Variants in WDR59 observed in about 807,000 individuals in gnomAD.
The protein encoded by WDR59 is WD repeat domain 59.
WDR59 carries 100 observed loss-of-function variants against 131.2 expected under a neutral mutation model. That is an observed-to-expected ratio of 0.76 (90% CI 0.65 to 0.90). WDR59 has a LOEUF of 0.90. Among genes scored for constraint, WDR59 ranks in the 40% least tolerant of loss-of-function variants. WDR59 has a pLI of 0.00. For missense variants in WDR59, 1,203 were observed against 1,262.2 expected, an observed-to-expected ratio of 0.95 and a Z score of 0.71; for synonymous variants, 601 against 466.2, an observed-to-expected ratio of 1.29 and a Z score of -3.72.
chr16:74,882,644 G>C (rs1386285730), intron 25 of WDR59, among the ~76,000 whole-genome samples: 1 of 151,630 alleles, frequency 6.6e-6, no homozygotes, highest in East Asian at 1.9e-4. Context: ...TTGTATTGTA[G>C]TATCTCTACT....
At chr16:74,943,932 C>T (rs1291831333) in intron 6 of WDR59, among the ~76,000 whole-genome samples, 1 of 152,150 alleles carries the variant, frequency 6.6e-6, no homozygotes, top group Non-Finnish European at 1.5e-5. Context: ...CTTATGTCAT[C>T]TAGAACAAAT....
At position 74,875,408 on chromosome 16, in the gene WDR59, A is replaced by G. The variant is rs192774823; in HGVS notation, c.2690-964T>C. On this transcript the variant is annotated intron_variant, in intron 25 of 25. Transcript: ENST00000262144. ...GCCTCCAGACTGACCTTTCTGCTGG[A>G]GGCCAATGTCATCCAGCTTCACCAG... is the stretch of plus-strand genomic sequence containing the variant. Among the ~76,000 whole-genome samples, 33 of 152,296 alleles carry G rather than the reference A, an allele frequency of 2.2e-4. No individual in the cohort carries two copies. The East Asian group carries it at 6.0e-3, about 28-fold the overall frequency.
chr16:74,885,230 A>G (rs1964695033), intron 25 of WDR59, among the ~76,000 whole-genome samples: 1 of 152,150 alleles, frequency 6.6e-6, no homozygotes, highest in African/African-American at 2.4e-5. Flanking sequence ...AGGCAGGCAG[A>G]TCACCTGAGG....
At chr16:74,900,329 C>T (rs796357639) in intron 18 of WDR59, among the ~76,000 whole-genome samples, 5 of 151,686 alleles carry the variant, frequency 3.3e-5, no homozygotes, top group African/African-American at 1.2e-4. Context: ...CCTGGAGAAA[C>T]GGGGGGAAGG....
chr16:74,875,460 T>C (rs1964170705), intron 25 of WDR59, among the ~76,000 whole-genome samples: 1 of 152,212 alleles, frequency 6.6e-6, no homozygotes, highest in Non-Finnish European at 1.5e-5. Context: ...CTGTGTCATC[T>C]GAGGACATTC....
intron 2 of WDR59, among the ~76,000 whole-genome samples, chr16:74,960,769 A>AG (rs1455937639): frequency 6.6e-6 from 1 of 150,740 alleles, no homozygotes. Flanking sequence ...AAAAAAAAAA[A>AG]AGAGAGAGAG....
intron 14 of WDR59, among the ~76,000 whole-genome samples, chr16:74,910,204 G>T (rs1207838193): frequency 6.6e-6 from 1 of 152,102 alleles, no homozygotes; most frequent in African/African-American, 2.4e-5. Flanking sequence ...CTGACCTCAA[G>T]TGATCTGCCC....
rs200732326 is a variant in WDR59 at position 74,921,930 on chromosome 16, A to G, written c.886+17T>C. ...AGAGCTCAGAAGGAAAGTGGGCAGC[A>G]GGCCTCTCCCACTCACCTTCCTTCT... On this transcript the variant is annotated intron_variant, in intron 10 of 25. Transcript: ENST00000262144. The G allele has an allele frequency of 4.7e-4, 759 of 1,611,766 alleles. 6 individuals are homozygous for G. The highest frequency in any genetic ancestry group is 4.7e-4 in the Non-Finnish European group (553 of 1,179,068).
chr16:74,984,784 T>C, intron 1 of WDR59, 180 bp downstream of exon 1: 4 of 786,288 alleles, frequency 5.1e-6, no homozygotes, highest in Non-Finnish European at 8.0e-6. Flanking sequence ...TCGCCCCGAT[T>C]GCCCCCGATG....
At position 74,936,909 on chromosome 16, in the gene WDR59, T is replaced by A. The variant is rs571069829; in HGVS notation, c.651+1241A>T. On this transcript the variant is annotated intron_variant, in intron 8 of 25. Transcript: ENST00000262144. Reference sequence around the variant, plus strand: ...AAAGTCACATCTGACACATTAAAAATAACTTACAACCCTAAGAGATTTACA... The same window carrying A: ...AAAGTCACATCTGACACATTAAAAAAAACTTACAACCCTAAGAGATTTACA... 8.1e-4 allele frequency among the ~76,000 whole-genome samples: 124 copies of A among 152,230 alleles called. 1 individual carries two copies. The highest frequency in any genetic ancestry group is 2.8e-3 in the African/African-American group (118 of 41,544).
At chr16:74,875,680 A>C (rs1455258611) in intron 25 of WDR59, among the ~76,000 whole-genome samples, 2 of 152,202 alleles carry the variant, frequency 1.3e-5, no homozygotes, top group Admixed American at 1.3e-4. Context: ...CCCTTTGGCC[A>C]ACCTGAATTA....
intron 2 of WDR59, among the ~76,000 whole-genome samples, chr16:74,958,224 A>G (rs1421876757): frequency 6.6e-6 from 1 of 152,176 alleles, no homozygotes; most frequent in Non-Finnish European, 1.5e-5. Context: ...TAAAGAAGAC[A>G]AAAAACCTCC....
chr16:74,956,440 A>C (rs749493159), intron 3 of WDR59, 35 bp downstream of exon 3: 1 of 1,605,178 alleles, frequency 6.2e-7, no homozygotes, highest in Non-Finnish European at 8.5e-7. Context: ...TGACACATTT[A>C]ACAGCATTCT....
At chr16:74,948,306 C>T (rs1245048978) in intron 6 of WDR59, among the ~76,000 whole-genome samples, 1 of 152,152 alleles carries the variant, frequency 6.6e-6, no homozygotes, top group Non-Finnish European at 1.5e-5. Context: ...TGCTCCACAC[C>T]CAACAGTCCT....
intron 6 of WDR59, among the ~76,000 whole-genome samples, chr16:74,944,747 C>T (rs1232909655): frequency 6.6e-6 from 1 of 151,810 alleles, no homozygotes; most frequent in Non-Finnish European, 1.5e-5. Context: ...TGAGAAACCT[C>T]ACTGAGTACA....
At chr16:74,886,437 A>T in intron 23 of WDR59, 41 bp from the exon 24 acceptor site, 1 of 1,603,490 alleles carries the variant, frequency 6.2e-7, no homozygotes, top group Non-Finnish European at 8.5e-7. Context: ...GCAATCAGAG[A>T]AGGCATGGAA....
At chr16:74,878,282 G>A (rs914721528) in intron 25 of WDR59, among the ~76,000 whole-genome samples, 1 of 152,188 alleles carries the variant, frequency 6.6e-6, no homozygotes, top group Admixed American at 6.5e-5. Context: ...TCAATTGAAG[G>A]ATACTCATAT....
Position 74,873,426 on chromosome 16 carries a change from A to C in WDR59, c.*783T>G, listed in dbSNP as rs16948766. 6.6e-6 allele frequency: 1 copy of C among 152,126 alleles called. No individual in the cohort carries two copies. The highest frequency in any genetic ancestry group is 2.1e-4 in the South Asian group (1 of 4,830). 9.4% of individuals were successfully genotyped at this position (152,126 alleles called of 1,614,324 possible). On this transcript the variant is annotated 3_prime_UTR_variant, in exon 26 of 26. Coordinates refer to ENST00000262144, the MANE Select transcript of WDR59 (RefSeq NM_030581.4). The stretch of plus-strand genomic sequence containing the variant: ...AATAAGACTCTTGGGGCTAGGAAGA[A>C]CCTTAAATGTCAAATTCCATTTTCT...
chr16:74,871,761 T>G lies in WDR59; in HGVS notation c.*2448A>C, dbSNP rs1459507751. On this transcript the variant is annotated 3_prime_UTR_variant, in exon 26 of 26. Coordinates refer to ENST00000262144, the MANE Select transcript of WDR59 (RefSeq NM_030581.4). Reference sequence around the variant, plus strand: ...TCTCTGTGTAAATCAGCCAACCTATTCTGTGATCACCATTACAACAGAATT... The same window carrying G: ...TCTCTGTGTAAATCAGCCAACCTATGCTGTGATCACCATTACAACAGAATT... The G allele has an allele frequency of 1.3e-5, 2 of 152,252 alleles. No homozygotes were observed. Among genetic ancestry groups the G allele is most frequent in the Admixed American group, 1.3e-4 (2 of 15,284 alleles). The allele number at this position is 152,252 out of a possible 1,614,324, so 9.4% of individuals were successfully genotyped here. A position where few individuals can be genotyped will look rare whatever the true frequency, so the allele number is the denominator to read the frequency against.
Sources: allele counts gnomAD v4.1 joint callset (sites outside exome capture counted in the v4.1 genomes callset), GRCh38; gene constraint gnomAD v4.1.1; transcripts MANE v1.5; gene names NCBI Gene and HGNC (gene_info 2026-07-23, HGNC 2026-07-21).